The following KIF2A variants were observed in gnomAD, a reference collection of about 807,000 sequenced individuals.
KIF2A encodes the protein kinesin family member 2A, also known as kinesin-like protein KIF2A.
KIF2A carries 22 observed loss-of-function variants against 100.2 expected under a neutral mutation model. That is an observed-to-expected ratio of 0.22 (90% CI 0.16 to 0.31). The LOEUF is 0.31. Among genes scored for constraint, KIF2A ranks in the 10% least tolerant of loss-of-function variants. KIF2A has a pLI of 1.00. For synonymous variants in KIF2A, 268 were observed against 285.9 expected (o/e 0.94, Z 0.63); for missense variants, 495 against 898.7 (o/e 0.55, Z 5.74).
At chr5:62,317,135 G>C (rs1465280722) in intron 1 of KIF2A, among the ~76,000 whole-genome samples, 1 of 150,562 alleles carries the variant, frequency 6.6e-6, no homozygotes, top group Non-Finnish European at 1.5e-5. Flanking sequence ...TGCAACCTCT[G>C]CCTCCCGAGT....
rs1742092131 is a variant in KIF2A at position 62,387,535 on chromosome 5, G to C, written c.*1966G>C. 6.6e-6 allele frequency: 1 copy of C among 152,048 alleles called. No individual in the cohort carries two copies. The highest frequency in any genetic ancestry group is 6.6e-5 in the Admixed American group (1 of 15,260). 9.4% of individuals were successfully genotyped at this position (152,048 alleles called of 1,614,324 possible). The stretch of plus-strand genomic sequence containing the variant: ...TTCTGATCAGGTATTTTAAAAATTA[G>C]TACCAGAAAAGATACTGGAGGTAAT... On this transcript the variant is annotated 3_prime_UTR_variant, in exon 21 of 21. Coordinates refer to ENST00000407818, the MANE Select transcript of KIF2A (RefSeq NM_001098511.3).
intron 20 of KIF2A, among the ~76,000 whole-genome samples, chr5:62,381,949 T>C (rs771748273): frequency 1.3e-5 from 2 of 152,356 alleles, no homozygotes. Context: ...CCTTACCTAC[T>C]AAGTCGTGTC....
At chr5:62,364,066 C>T (rs555636856) in intron 14 of KIF2A, among the ~76,000 whole-genome samples, 167 bp downstream of exon 14, 1 of 151,922 alleles carries the variant, frequency 6.6e-6, no homozygotes, top group African/African-American at 2.4e-5. Context: ...TTTTTCCTTG[C>T]ACACATTCTT....
chr5:62,342,833 A>G (rs1346798995), intron 1 of KIF2A, among the ~76,000 whole-genome samples: 2 of 151,312 alleles, frequency 1.3e-5, no homozygotes. Context: ...GTTCACTGCA[A>G]CCTCCACCTC....
At chr5:62,356,665 C>G (rs1748122144) in intron 7 of KIF2A, among the ~76,000 whole-genome samples, 1 of 152,138 alleles carries the variant, frequency 6.6e-6, no homozygotes, top group Non-Finnish European at 1.5e-5. Flanking sequence ...AATCCTGTTT[C>G]TTGCCATAGT....
intron 20 of KIF2A, 130 bp downstream of exon 20, chr5:62,381,383 C>T (rs1184372943): frequency 7.6e-5 from 54 of 712,050 alleles, no homozygotes; most frequent in Non-Finnish European, 4.0e-5. Flanking sequence ...ATCTATTTTC[C>T]AGAGGTATAA....
chr5:62,385,602 C>T lies in KIF2A; in HGVS notation c.*33C>T. On this transcript the variant is annotated 3_prime_UTR_variant, in exon 21 of 21. Coordinates refer to ENST00000407818, the MANE Select transcript of KIF2A (RefSeq NM_001098511.3). ...TTTGCTGCTAAAGGATACCCAGAAC[C>T]CTCACTACTGTAACATACAACGGTT... The T allele has an allele frequency of 2.8e-6, 4 of 1,439,042 alleles. No homozygotes were observed. Among genetic ancestry groups the T allele is most frequent in the Non-Finnish European group, 3.8e-6 (4 of 1,040,418 alleles). The allele number at this position is 1,439,042 out of a possible 1,614,324, so 89.1% of individuals were successfully genotyped here.
chr5:62,335,534 T>C (rs149124347), intron 1 of KIF2A, among the ~76,000 whole-genome samples: 1 of 152,236 alleles, frequency 6.6e-6, no homozygotes, highest in Non-Finnish European at 1.5e-5. Flanking sequence ...CTGGAGGAGC[T>C]CAAGGGAGGG....
chr5:62,389,415 G>C lies in KIF2A; in HGVS notation c.*3846G>C, dbSNP rs564419980. 6.8e-6 allele frequency among the ~76,000 whole-genome samples: 1 copy of C among 147,078 alleles called. No homozygotes were observed. The highest frequency in any genetic ancestry group is 2.5e-5 in the African/African-American group (1 of 39,400). ...GCAGGAGATTTGCCTGAACCCAGGA[G>C]GCGGAGGTTGCAGTGAGCTGAGATT... On this transcript the variant is annotated 3_prime_UTR_variant, in exon 21 of 21. Transcript: ENST00000407818.
At chr5:62,307,542 C>T (rs368759807) in intron 1 of KIF2A, among the ~76,000 whole-genome samples, 2 of 152,006 alleles carry the variant, frequency 1.3e-5, no homozygotes, top group East Asian at 3.9e-4. Context: ...AAATTATTTT[C>T]TTTCGGTACC....
intron 14 of KIF2A, among the ~76,000 whole-genome samples, chr5:62,364,138 G>A (rs1356265798): frequency 6.6e-6 from 1 of 151,512 alleles, no homozygotes; most frequent in Admixed American, 6.6e-5. Context: ...GGCTACATAG[G>A]TAAACTCCAG....
At chr5:62,343,287 C>G (rs1747393330) in intron 1 of KIF2A, among the ~76,000 whole-genome samples, 1 of 152,140 alleles carries the variant, frequency 6.6e-6, no homozygotes, top group South Asian at 2.1e-4. Context: ...CAATTTCACC[C>G]ACCCCCAGCA....
intron 15 of KIF2A, 137 bp downstream of exon 15, chr5:62,365,490 T>C (rs1408570750): frequency 5.6e-6 from 3 of 535,508 alleles, no homozygotes; most frequent in East Asian, 6.3e-5. Flanking sequence ...ATTTAAGATG[T>C]GGTCCCTGCC....
chr5:62,377,993 T>A (rs1741618880), intron 19 of KIF2A, among the ~76,000 whole-genome samples: 1 of 152,342 alleles, frequency 6.6e-6, no homozygotes, highest in African/African-American at 2.4e-5. Flanking sequence ...CCCGTCCCCC[T>A]TATTGGTTTT....
At chr5:62,325,612 C>T (rs1462968553) in intron 1 of KIF2A, among the ~76,000 whole-genome samples, 2 of 152,086 alleles carry the variant, frequency 1.3e-5, no homozygotes, top group African/African-American at 2.4e-5. Flanking sequence ...ACACCAGTCA[C>T]GATGGCTATT....
chr5:62,351,247 AATAAT>A (rs1430490950), intron 4 of KIF2A, among the ~76,000 whole-genome samples: 12 of 149,386 alleles, frequency 8.0e-5, no homozygotes, highest in Non-Finnish European at 1.6e-4. Context: ...TAAATAAATA[AATAAT>A]ATAATAAAAT....
chr5:62,382,696 C>T (rs1349442538), intron 20 of KIF2A, among the ~76,000 whole-genome samples: 1 of 148,394 alleles, frequency 6.7e-6, no homozygotes, highest in Non-Finnish European at 1.5e-5. Context: ...TACAATGGCA[C>T]GATCTCAGCT....
chr5:62,333,384 T>C (rs888342892), intron 1 of KIF2A, among the ~76,000 whole-genome samples: 1 of 151,994 alleles, frequency 6.6e-6, no homozygotes, highest in East Asian at 1.9e-4. Context: ...TGGGAGGTGT[T>C]GAGGGAGGAA....
chr5:62,335,371 C>T (rs1396205105), intron 1 of KIF2A, among the ~76,000 whole-genome samples: 1 of 152,164 alleles, frequency 6.6e-6, no homozygotes, highest in Middle Eastern at 3.2e-3. Flanking sequence ...TTGGCCCTGT[C>T]CCCCATTACT....
Sources: allele counts gnomAD v4.1 joint callset (sites outside exome capture counted in the v4.1 genomes callset), GRCh38; gene constraint gnomAD v4.1.1; transcripts MANE v1.5; gene names NCBI Gene and HGNC (gene_info 2026-07-23, HGNC 2026-07-21).